Variants in FNBP4 observed in about 807,000 individuals in gnomAD.
The protein encoded by FNBP4 is formin-binding protein 4.
FNBP4 carries 34 observed loss-of-function variants against 119.3 expected under a neutral mutation model. The observed-to-expected ratio is 0.28, with a 90% CI of 0.22 to 0.38. The LOEUF is 0.38. Among genes scored for constraint, FNBP4 ranks in the 10% least tolerant of loss-of-function variants. FNBP4 has a pLI of 1.00. For synonymous variants in FNBP4, 462 were observed against 430.6 expected (o/e 1.07, Z -0.90); for missense variants, 1,112 against 1,228.9 (o/e 0.90, Z 1.42).
In FNBP4 at chr11:47,754,571, T is replaced by C; in HGVS notation, c.407A>G (p.Asn136Ser). Residue 136 changes from asparagine to serine, a missense_variant, in exon 3 of 17, where the codon AAC becomes AGC. Coordinates refer to ENST00000263773, the MANE Select transcript of FNBP4 (RefSeq NM_015308.5). ...TGTACTATCAATATCAGTTGACTGG[T>C]TTCCATTTGTCTCTTTGGATTGTGC... ...KLAQSKETNGNQSTDIDSTLA... is the reference protein window; with the variant it reads ...KLAQSKETNGSQSTDIDSTLA... 6.2e-7 allele frequency: 1 copy of C among 1,614,148 alleles called. No homozygotes were observed. The highest frequency in any genetic ancestry group is 8.5e-7 in the Non-Finnish European group (1 of 1,180,026).
chr11:47,739,800 G>A (rs1260214701), intron 8 of FNBP4, among the ~76,000 whole-genome samples: 1 of 151,968 alleles, frequency 6.6e-6, no homozygotes, highest in East Asian at 1.9e-4. Context: ...CTTTTGAGAT[G>A]GGAGTTTTGC....
intron 8 of FNBP4, among the ~76,000 whole-genome samples, chr11:47,742,686 G>A (rs1404723490): frequency 2.0e-5 from 3 of 151,432 alleles, no homozygotes; most frequent in East Asian, 2.0e-4. Context: ...TCAGGAGTTC[G>A]AGACCAGCCT....
intron 12 of FNBP4, among the ~76,000 whole-genome samples, chr11:47,728,327 G>T (rs891642089): frequency 3.4e-5 from 5 of 148,616 alleles, no homozygotes; most frequent in Admixed American, 1.3e-4. Flanking sequence ...TTGGTTCACT[G>T]TAATCTCTGC....
chr11:47,742,282 C>T (rs1018288598), intron 8 of FNBP4, among the ~76,000 whole-genome samples: 1 of 151,644 alleles, frequency 6.6e-6, no homozygotes, highest in Non-Finnish European at 1.5e-5. Flanking sequence ...TGTTTGAGAC[C>T]AGCCTGGCCA....
chr11:47,722,882 T>C (rs1422993250), intron 15 of FNBP4, 94 bp downstream of exon 15: 1 of 1,362,140 alleles, frequency 7.3e-7, no homozygotes, highest in Non-Finnish European at 9.7e-7. Flanking sequence ...TAAGCCACAG[T>C]GCCCAGCCTG....
At chr11:47,759,835 C>T (rs1164289280) in intron 2 of FNBP4, among the ~76,000 whole-genome samples, 1 of 152,064 alleles carries the variant, frequency 6.6e-6, no homozygotes, top group Non-Finnish European at 1.5e-5. Context: ...CACCTGCAAT[C>T]CCAGCTACTT....
rs200481292 is a variant in FNBP4, at chr11:47,720,766, TA to T, written c.2806-681del. On this transcript the variant is annotated intron_variant, in intron 15 of 16. Transcript: ENST00000263773. ...GATGCAGTGTTCCTCCCAAGTGATT[TA>T]AAAAAAAAAAAAAAAAGCTAAAAAA... is the stretch of plus-strand genomic sequence containing the variant. Among the ~76,000 whole-genome samples, 1,199 of 122,580 alleles carry T rather than the reference TA, an allele frequency of 9.8e-3. 8 individuals carry two copies. Among genetic ancestry groups the T allele is most frequent in the Middle Eastern group, 0.028 (7 of 246 alleles). The allele number at this position is 122,580 out of a possible 152,430, so 80.4% of individuals were successfully genotyped here. A position where few individuals can be genotyped will look rare whatever the true frequency, so the allele number is the denominator to read the frequency against.
intron 8 of FNBP4, among the ~76,000 whole-genome samples, chr11:47,740,185 C>T (rs191473746): frequency 2.4e-3 from 368 of 151,750 alleles, no homozygotes; most frequent in Middle Eastern, 0.014. Flanking sequence ...GAGGCAGAGA[C>T]GGGCGGATCA....
At chr11:47,737,851 A>C (rs1204059295) in intron 8 of FNBP4, among the ~76,000 whole-genome samples, 1 of 151,386 alleles carries the variant, frequency 6.6e-6, no homozygotes, top group Non-Finnish European at 1.5e-5. Flanking sequence ...GGTTCAAGTG[A>C]TTCTCCTACC....
chr11:47,749,369 C>T (rs1332882734), intron 6 of FNBP4, among the ~76,000 whole-genome samples: 1 of 151,976 alleles, frequency 6.6e-6, no homozygotes, highest in Non-Finnish European at 1.5e-5. Flanking sequence ...TCAAGACCAG[C>T]TTGACCAACT....
chr11:47,729,193 T>G, intron 12 of FNBP4: 1 of 985,368 alleles, frequency 1.0e-6, no homozygotes, highest in Non-Finnish European at 1.2e-6. Context: ...TTCCTTAATT[T>G]TCCCCCCAAA....
At chr11:47,733,887 T>C (rs975611581) in intron 10 of FNBP4, 138 bp downstream of exon 10, 1 of 508,850 alleles carries the variant, frequency 2.0e-6, no homozygotes, top group South Asian at 3.5e-5. Context: ...ATTTCCTGGA[T>C]TGTCGGCTCA....
chr11:47,754,728 A>C lies in FNBP4; in HGVS notation c.314-64T>G, dbSNP rs1451159290. On this transcript the variant is annotated intron_variant, in intron 2 of 16. Transcript: ENST00000263773. ...GTCAATATGTCCTAAGAAGCATCTAAAGCGGAAGTATAACATGTTTTTTTT... is the reference window on the plus strand; with the variant it reads ...GTCAATATGTCCTAAGAAGCATCTACAGCGGAAGTATAACATGTTTTTTTT... The C allele has an allele frequency of 2.1e-5, 33 of 1,558,070 alleles. No homozygotes were observed. The Admixed American group carries it at 6.5e-4, about 31-fold the overall frequency.
Position 47,744,066 on chromosome 11 carries a change from C to T in FNBP4, c.1343G>A (p.Arg448Lys). 1 of 1,614,134 alleles carries T rather than the reference C, an allele frequency of 6.2e-7. No individual in the cohort carries two copies. The highest frequency in any genetic ancestry group is 2.2e-5 in the East Asian group (1 of 44,886). ...CCATTTTCCTCTTTTAGACATAAGC[C>T]TACGCATTCCATCTTGAGATGCTGG... ...SQPASQDGMR[R>K]LMSKRGKWKM... is the part of the protein sequence containing the mutation. The change falls in exon 8 of 17, where the codon AGG becomes AAG. Residue 448 changes from arginine (R) to lysine (K), a missense_variant. Coordinates refer to ENST00000263773, the MANE Select transcript of FNBP4 (RefSeq NM_015308.5).
intron 8 of FNBP4, among the ~76,000 whole-genome samples, chr11:47,739,450 A>G (rs1172235478): frequency 6.6e-6 from 1 of 152,154 alleles, no homozygotes; most frequent in Non-Finnish European, 1.5e-5. Context: ...AAAGACTAGA[A>G]TGTTTTGGAG....
rs746421922 is a variant in FNBP4 at position 47,731,602 on chromosome 11, C to T, written c.1821-41G>A. The T allele has an allele frequency of 1.1e-5, 18 of 1,571,718 alleles. No homozygotes were observed. The East Asian group carries it at 4.1e-4, about 36-fold the overall frequency. ...GAAAACACATGTTTTAAAACCCGTT[C>T]TCCTACAAAGACACTTCCATTTGGT... is the stretch of plus-strand genomic sequence containing the variant. On this transcript the variant is annotated intron_variant, in intron 11 of 16. Transcript: ENST00000263773.
At position 47,731,462 on chromosome 11, in the gene FNBP4, T is replaced by C. The variant is rs750198321; in HGVS notation, c.1920A>G (p.Glu640=). Residue 640 remains glutamate (E), a synonymous_variant, in exon 12 of 17, where the codon GAA becomes GAG. Transcript: ENST00000263773. The stretch of plus-strand genomic sequence containing the variant: ...GTTTGGCAAGAGTCTCATCTCTATT[T>C]TCTTGTGCTTGGCTTTCTTCTTCTT... The part of the protein sequence containing the change: ...EEEEEESQAQ[E]NRDETLAKQT... The C allele has an allele frequency of 6.2e-7, 1 of 1,614,124 alleles. No homozygotes were observed. Among genetic ancestry groups the C allele is most frequent in the Non-Finnish European group, 8.5e-7 (1 of 1,180,042 alleles).
chr11:47,734,835 T>C (rs1481918344), intron 9 of FNBP4, among the ~76,000 whole-genome samples: 1 of 152,000 alleles, frequency 6.6e-6, no homozygotes, highest in Admixed American at 6.6e-5. Flanking sequence ...TAGGTGAGGA[T>C]GGTGGTGCAC....
chr11:47,765,415 A>G, intron 1 of FNBP4, 53 bp from the exon 2 acceptor site: 1 of 1,314,362 alleles, frequency 7.6e-7, no homozygotes, highest in South Asian at 1.3e-5. Flanking sequence ...AAAAGAAAAG[A>G]AAACTGCAGT....
Sources: allele counts gnomAD v4.1 joint callset (sites outside exome capture counted in the v4.1 genomes callset), GRCh38; gene constraint gnomAD v4.1.1; transcripts MANE v1.5; gene names NCBI Gene and HGNC (gene_info 2026-07-23, HGNC 2026-07-21).